The following DCC variants were observed in gnomAD, a reference collection of about 807,000 sequenced individuals.
DCC encodes the protein DCC netrin 1 receptor.
DCC carries 58 observed loss-of-function variants against 172.5 expected under a neutral mutation model. The observed-to-expected ratio is 0.34, with a 90% CI of 0.27 to 0.42. The LOEUF (loss-of-function observed/expected upper bound fraction) is 0.42, where lower values mean the gene tolerates loss of function less well. DCC is among the 10% of genes least tolerant of loss of function. The probability of loss-of-function intolerance (pLI) is 1.00; values close to 1 mark genes in which losing one functional copy is unlikely to be tolerated. For missense variants in DCC, 1,740 were observed against 1,791.0 expected, an observed-to-expected ratio of 0.97 and a Z score of 0.51; for synonymous variants, 709 against 644.5, an observed-to-expected ratio of 1.10 and a Z score of -1.52.
rs1027165080 is a variant in DCC, at chr18:53,334,385, T to C, written c.2165-5328T>C. 1.2e-4 allele frequency among the ~76,000 whole-genome samples: 19 copies of C among 152,194 alleles called. 1 individual carries two copies. Among genetic ancestry groups the C allele is most frequent in the Non-Finnish European group, 5.9e-5 (4 of 68,040 alleles). On this transcript the variant is annotated intron_variant, in intron 14 of 28. Coordinates refer to ENST00000442544, the MANE Select transcript of DCC (RefSeq NM_005215.4). ...TGGTCTGTAAGTGACTCACTCTTTT[T>C]TTTCTGTTTTTGTAATTGTTTACAA... is the stretch of plus-strand genomic sequence containing the variant.
intron 1 of DCC, among the ~76,000 whole-genome samples, chr18:52,622,528 T>C (rs986141): frequency 0.91 from 137,782 of 152,210 alleles, 62,833 homozygotes; most frequent in Middle Eastern, 0.98. Context: ...ATCGACATCG[T>C]TGGCACCAGC....
intron 7 of DCC, among the ~76,000 whole-genome samples, chr18:53,089,475 C>A (rs2042971025): frequency 6.6e-6 from 1 of 152,010 alleles, no homozygotes; most frequent in South Asian, 2.1e-4. Flanking sequence ...GGCATTTATG[C>A]TTTTGCAGGC....
chr18:53,311,413 G>A (rs560032372), intron 13 of DCC, among the ~76,000 whole-genome samples: 1 of 152,210 alleles, frequency 6.6e-6, no homozygotes, highest in Non-Finnish European at 1.5e-5. Flanking sequence ...GTGAGCCACC[G>A]CACCCGGCCA....
At chr18:53,312,178 GAAAAA>G (rs1212470712) in intron 13 of DCC, among the ~76,000 whole-genome samples, 7 of 27,204 alleles carry the variant, frequency 2.6e-4, no homozygotes, top group Non-Finnish European at 4.4e-4. Context: ...AAAAAAAAAA[GAAAAA>G]GAAAATTAGC....
intron 5 of DCC, among the ~76,000 whole-genome samples, chr18:53,005,321 C>T (rs1335020167): frequency 6.6e-6 from 1 of 152,184 alleles, no homozygotes; most frequent in Non-Finnish European, 1.5e-5. Context: ...CCACTCCCAT[C>T]TTTTTCACTT....
At chr18:52,846,750 G>A (rs1413615573) in intron 2 of DCC, among the ~76,000 whole-genome samples, 2 of 151,964 alleles carry the variant, frequency 1.3e-5, no homozygotes, top group African/African-American at 2.4e-5. Context: ...AGAAAAAGGA[G>A]AATGTTGATG....
At chr18:52,650,100 T>A in intron 1 of DCC, among the ~76,000 whole-genome samples, 1 of 151,130 alleles carries the variant, frequency 6.6e-6, no homozygotes, top group African/African-American at 2.4e-5. Context: ...TGCCTCAGTC[T>A]CCGAAGTAGC....
chr18:52,461,314 G>C (rs535272179), intron 1 of DCC, among the ~76,000 whole-genome samples: 1 of 152,274 alleles, frequency 6.6e-6, no homozygotes, highest in African/African-American at 2.4e-5. Flanking sequence ...CCTCTCCTGA[G>C]ATAATATTAC....
At chr18:53,060,602 C>A (rs1222939341) in intron 5 of DCC, among the ~76,000 whole-genome samples, 1 of 152,134 alleles carries the variant, frequency 6.6e-6, no homozygotes, top group South Asian at 2.1e-4. Context: ...TGGTACTTAA[C>A]AATATTACAA....
chr18:52,597,923 A>G (rs1032000974), intron 1 of DCC, among the ~76,000 whole-genome samples: 1 of 152,200 alleles, frequency 6.6e-6, no homozygotes, highest in Non-Finnish European at 1.5e-5. Context: ...AATCATTTAA[A>G]TGTCCTGTTT....
At chr18:52,774,967 A>G (rs1039940716) in intron 2 of DCC, among the ~76,000 whole-genome samples, 11 of 152,192 alleles carry the variant, frequency 7.2e-5, no homozygotes, top group African/African-American at 2.7e-4. Context: ...TGTGAGAGAA[A>G]AGAGAGAAAG....
At chr18:52,482,653 C>A (rs1041496255) in intron 1 of DCC, among the ~76,000 whole-genome samples, 2 of 152,086 alleles carry the variant, frequency 1.3e-5, no homozygotes, top group African/African-American at 4.8e-5. Flanking sequence ...AATTTAGTGA[C>A]CTCTCAAAAG....
intron 1 of DCC, among the ~76,000 whole-genome samples, chr18:52,478,102 G>T (rs547947511): frequency 3.3e-5 from 5 of 152,166 alleles, no homozygotes; most frequent in East Asian, 1.9e-4. Context: ...GAGCCACCAG[G>T]TCCGGTCCCT....
chr18:52,785,113 T>C (rs909940095), intron 2 of DCC, among the ~76,000 whole-genome samples: 2 of 152,058 alleles, frequency 1.3e-5, no homozygotes, highest in Non-Finnish European at 2.9e-5. Context: ...CACCCCAACC[T>C]AGAATGTAAA....
intron 23 of DCC, among the ~76,000 whole-genome samples, chr18:53,455,490 G>A (rs377304515): frequency 6.6e-6 from 1 of 152,128 alleles, no homozygotes; most frequent in Non-Finnish European, 1.5e-5. Context: ...ACAGTAATAG[G>A]TTATGCATAA....
intron 5 of DCC, among the ~76,000 whole-genome samples, chr18:52,995,645 C>T (rs1396062774): frequency 6.6e-6 from 1 of 151,998 alleles, no homozygotes; most frequent in Non-Finnish European, 1.5e-5. Flanking sequence ...AAGGCTGTAG[C>T]CCTAGAATGG....
chr18:53,390,932 A>G (rs1170736115), intron 16 of DCC, among the ~76,000 whole-genome samples: 1 of 152,184 alleles, frequency 6.6e-6, no homozygotes, highest in African/African-American at 2.4e-5. Flanking sequence ...GTAAAATCAC[A>G]CTTCTACATT....
intron 7 of DCC, among the ~76,000 whole-genome samples, chr18:53,086,949 G>T (rs2042922501): frequency 6.6e-6 from 1 of 151,470 alleles, no homozygotes; most frequent in Non-Finnish European, 1.5e-5. Flanking sequence ...TTTTATGGGG[G>T]CATAGTATTC....
At chr18:52,705,368 T>C (rs1696350539) in intron 1 of DCC, among the ~76,000 whole-genome samples, 1 of 152,150 alleles carries the variant, frequency 6.6e-6, no homozygotes, top group Non-Finnish European at 1.5e-5. Flanking sequence ...TGTGGGCACT[T>C]TCAGAATATG....
Sources: allele counts gnomAD v4.1 joint callset (sites outside exome capture counted in the v4.1 genomes callset), GRCh38; gene constraint gnomAD v4.1.1; transcripts MANE v1.5; gene names NCBI Gene and HGNC (gene_info 2026-07-23, HGNC 2026-07-21).